Variants in SLX4 observed in about 807,000 individuals in gnomAD.
SLX4 encodes the protein SLX4 structure-specific endonuclease subunit.
Under a neutral mutation model 146.2 loss-of-function variants are expected in SLX4, and 112 were observed. The observed-to-expected ratio is 0.77, with a 90% CI of 0.66 to 0.90. SLX4 has a LOEUF of 0.90. Ranked by LOEUF, SLX4 falls within the 40% of genes least tolerant of loss-of-function variation. The pLI is 0.00. For synonymous variants in SLX4, 1,061 were observed against 997.7 expected (o/e 1.06, Z -1.20); for missense variants, 2,563 against 2,392.7 (o/e 1.07, Z -1.49).
intron 4 of SLX4, 175 bp from the exon 5 acceptor site, chr16:3,601,366 G>A (rs1410289085): frequency 1.5e-6 from 1 of 661,304 alleles, no homozygotes; most frequent in Non-Finnish European, 2.7e-6. Flanking sequence ...ACTACACTTA[G>A]GTATCTGTCA....
At chr16:3,604,924 AT>A (rs544664658) in intron 3 of SLX4, among the ~76,000 whole-genome samples, 17,619 of 133,764 alleles carry the variant, frequency 0.13, 1,201 homozygotes, top group African/African-American at 0.25. Context: ...ATTCATTGTA[AT>A]TTTTTTTTTT....
In SLX4 at chr16:3,582,373, G is replaced by C; in HGVS notation, c.5474C>G (p.Pro1825Arg). The C allele has an allele frequency of 6.2e-7, 1 of 1,613,394 alleles. No individual in the cohort carries two copies. Among genetic ancestry groups the C allele is most frequent in the Non-Finnish European group, 8.5e-7 (1 of 1,180,038 alleles). Residue 1825 changes from proline (P) to arginine (R), a missense_variant, in exon 15 of 15, where the codon CCT (proline) becomes CGT (arginine). Pro to Arg is a moderately radical substitution (Grantham distance 103). Coordinates refer to ENST00000294008, the MANE Select transcript of SLX4 (RefSeq NM_032444.4). The stretch of plus-strand genomic sequence containing the variant: ...CCGCTCCACCTTCTTCTTGCCCCGA[G>C]GCTGCCGCCTCCTGCCCTGGAGCTT... The part of the protein sequence containing the change: ...REKLQGRRRQ[P>R]RGKKKVERN
intron 12 of SLX4, among the ~76,000 whole-genome samples, chr16:3,585,768 G>A (rs2151118753): frequency 6.7e-6 from 1 of 148,960 alleles, no homozygotes; most frequent in South Asian, 2.1e-4. Flanking sequence ...AAACACAGAG[G>A]GTTTGGGCAA....
chr16:3,605,571 G>C (rs1369658573), intron 3 of SLX4, among the ~76,000 whole-genome samples: 1 of 152,148 alleles, frequency 6.6e-6, no homozygotes, highest in African/African-American at 2.4e-5. Flanking sequence ...CTGAAAGGAA[G>C]AGTTCTTTGT....
chr16:3,591,448 G>T (rs573723594), intron 11 of SLX4, 138 bp from the exon 12 acceptor site: 2 of 1,295,368 alleles, frequency 1.5e-6, no homozygotes, highest in East Asian at 2.5e-5. Flanking sequence ...CTTTGAAGAC[G>T]GTGTCCACAC....
intron 9 of SLX4, 116 bp from the exon 10 acceptor site, chr16:3,594,715 A>C: frequency 7.2e-7 from 1 of 1,398,276 alleles, no homozygotes. Flanking sequence ...CAGGACCTGC[A>C]TTCTCCTTTC....
chr16:3,595,613 G>C lies in SLX4; in HGVS notation c.2005C>G (p.Arg669Gly). The C allele has an allele frequency of 6.2e-7, 1 of 1,613,732 alleles. No homozygotes were observed. The highest frequency in any genetic ancestry group is 8.5e-7 in the Non-Finnish European group (1 of 1,179,996). ...SQDKHPDRGGRTLLSLGLLVA... is the reference protein window; with the variant it reads ...SQDKHPDRGGGTLLSLGLLVA... ...CCAGAGCCAGTTCTTACCAAGGTGC[G>C]GCCGCCCCTGTCCGGGTGCTTGTCC... The change falls in exon 9 of 15, where the codon CGC becomes GGC. Residue 669 changes from arginine (R) to glycine (G), a missense_variant. Physicochemically the swap from Arg to Gly is moderately radical, Grantham distance 125 (BLOSUM62 -2). Transcript: ENST00000294008.
chr16:3,609,936 GCT>G (rs2040832947), intron 1 of SLX4, among the ~76,000 whole-genome samples: 1 of 152,178 alleles, frequency 6.6e-6, no homozygotes, highest in Non-Finnish European at 1.5e-5. Flanking sequence ...TGTTAAAGAG[GCT>G]CTTTCTGTAA....
At position 3,591,207 on chromosome 16, in the gene SLX4, T is replaced by C. The variant is rs2151125918; in HGVS notation, c.2431A>G (p.Arg811Gly). 6.2e-7 allele frequency: 1 copy of C among 1,614,106 alleles called. No individual in the cohort carries two copies. The highest frequency in any genetic ancestry group is 8.5e-7 in the Non-Finnish European group (1 of 1,180,042). ...AAGAGTTCCTGGAAATTCTCGGCCC[T>C]GCTTTCGCAATTCTCTGCTTCCTTC... ...EEKEAENCES[R>G]AENFQELLRS... is the part of the protein sequence containing the mutation. The change falls in exon 12 of 15, where the codon AGG becomes GGG. Residue 811 changes from arginine to glycine, a missense_variant. By Grantham distance (125) the Arg-to-Gly change is moderately radical. Transcript: ENST00000294008.
intron 8 of SLX4, 121 bp from the exon 9 acceptor site, chr16:3,595,814 C>T (rs1335936477): frequency 1.6e-5 from 18 of 1,150,934 alleles, no homozygotes; most frequent in Non-Finnish European, 2.0e-5. Context: ...GCTTGCTATC[C>T]GAGGACACCT....
chr16:3,589,412 G>A lies in SLX4; in HGVS notation c.4226C>T (p.Ala1409Val). 6.2e-7 allele frequency: 1 copy of A among 1,602,128 alleles called. No homozygotes were observed. The highest frequency in any genetic ancestry group is 8.5e-7 in the Non-Finnish European group (1 of 1,171,302). Residue 1409 changes from alanine to valine, a missense_variant, in exon 12 of 15, where the codon GCC (alanine) becomes GTC (valine). Coordinates refer to ENST00000294008, the MANE Select transcript of SLX4 (RefSeq NM_032444.4). The surrounding 1 kb of genome is among the most constrained non-coding windows in gnomAD (Gnocchi z 6.2). The part of the protein sequence containing the change: ...DDEQEVASHQ[A>V]NRSPPLDSDP... ...ACTGTCCAGTGGGGGGCTTCTGTTG[G>A]CCTGATGGGAGGCCACCTCCTGCTC... is the stretch of plus-strand genomic sequence containing the variant.
Position 3,602,296 on chromosome 16 carries a change from C to G in SLX4, c.772G>C (p.Gly258Arg), listed in dbSNP as rs1328002064. 9 of 1,613,900 alleles carry G rather than the reference C, an allele frequency of 5.6e-6. No individual in the cohort carries two copies. The highest frequency in any genetic ancestry group is 7.6e-6 in the Non-Finnish European group (9 of 1,180,024). The change falls in exon 4 of 15, where the codon GGG becomes CGG. Residue 258 changes from glycine to arginine, a missense_variant. By Grantham distance (125) the Gly-to-Arg change is moderately radical. Transcript: ENST00000294008. ...GCGTCGCTCTCTGGGGCAGGGGGCC[C>G]AAGCCCATACACTGTGGAGAAGCAC... Reference protein sequence around the residue: ...EMMAGNVYGLGPPAPESDAAV... With the variant: ...EMMAGNVYGLRPPAPESDAAV...
intron 12 of SLX4, 85 bp from the exon 13 acceptor site, chr16:3,584,956 T>C: frequency 2.0e-6 from 2 of 988,318 alleles, no homozygotes; most frequent in South Asian, 1.3e-5. Flanking sequence ...CCAAGAGGAA[T>C]AATGCACTTG....
chr16:3,582,525 C>T lies in SLX4; in HGVS notation c.5322G>A (p.Gln1774=). 2 of 1,614,034 alleles carry T rather than the reference C, an allele frequency of 1.2e-6. No individual in the cohort carries two copies. Among genetic ancestry groups the T allele is most frequent in the Non-Finnish European group, 1.7e-6 (2 of 1,180,042 alleles). Residue 1774 remains glutamine, a synonymous_variant, in exon 15 of 15, where the codon CAG becomes CAA. Transcript: ENST00000294008. ...PALYQKVLLY[Q]PFELRELQAE... Reference sequence around the variant, plus strand: ...CCTGCAGCTCCCGCAGCTCAAAGGGCTGGTACAGCAGCACCTTCTGGTACA... The same window carrying T: ...CCTGCAGCTCCCGCAGCTCAAAGGGTTGGTACAGCAGCACCTTCTGGTACA...
intron 5 of SLX4, among the ~76,000 whole-genome samples, chr16:3,599,038 T>C (rs1288254627): frequency 1.3e-5 from 2 of 152,208 alleles, no homozygotes; most frequent in Non-Finnish European, 2.9e-5. Context: ...CGGATCCACA[T>C]ACATCTAGTT....
Position 3,596,283 on chromosome 16 carries a change from C to A in SLX4, c.1794G>T (p.Arg598Ser). The A allele has an allele frequency of 1.3e-6, 2 of 1,569,454 alleles. No homozygotes were observed. The highest frequency in any genetic ancestry group is 2.4e-5 in the East Asian group (1 of 42,548). ...TCTGGCTGGCCGAAGGCGACGGGCC[C>A]CTGGAGCCACAGCCTGCAGTGGGGG... is the stretch of plus-strand genomic sequence containing the variant. ...HGTPTAGCGS[R>S]GPSPSASQRE... Residue 598 changes from arginine (R) to serine (S), a missense_variant, in exon 8 of 15, where the codon AGG becomes AGT. Coordinates refer to ENST00000294008, the MANE Select transcript of SLX4 (RefSeq NM_032444.4).
chr16:3,599,171 C>T (rs1427356883), intron 5 of SLX4, among the ~76,000 whole-genome samples: 1 of 152,210 alleles, frequency 6.6e-6, no homozygotes, highest in Non-Finnish European at 1.5e-5. Flanking sequence ...AAGGCTTGCA[C>T]CCCTGCCATG....
At chr16:3,599,522 C>G (rs529080356) in intron 5 of SLX4, among the ~76,000 whole-genome samples, 2 of 152,256 alleles carry the variant, frequency 1.3e-5, no homozygotes, top group Non-Finnish European at 2.9e-5. Context: ...AACTTTTAAG[C>G]ATTAATTCAT....
chr16:3,606,775 G>T, intron 2 of SLX4, 77 bp from the exon 3 acceptor site: 1 of 1,510,288 alleles, frequency 6.6e-7, no homozygotes, highest in Non-Finnish European at 9.2e-7. Context: ...ATACAGGTTA[G>T]ACGCAAGTTT....
Sources: allele counts gnomAD v4.1 joint callset (sites outside exome capture counted in the v4.1 genomes callset), GRCh38; gene constraint gnomAD v4.1.1; non-coding constraint Gnocchi (gnomAD v3.1); transcripts MANE v1.5; gene names NCBI Gene and HGNC (gene_info 2026-07-23, HGNC 2026-07-21).